MICU2: variants seen among roughly 807,000 people sequenced by gnomAD.
MICU2 encodes mitochondrial calcium uptake 2.
Under a neutral mutation model 60.4 loss-of-function variants are expected in MICU2, and 64 were observed. That is an observed-to-expected ratio of 1.06 (90% CI 0.87 to 1.31). The LOEUF (loss-of-function observed/expected upper bound fraction) is 1.31. Among genes scored for constraint, MICU2 ranks in the 50% most tolerant of loss-of-function variants. The pLI, the probability that MICU2 is intolerant of heterozygous loss-of-function variation, is 0.00. For missense variants in MICU2, 569 were observed against 531.0 expected (o/e 1.07, Z -0.70); for synonymous variants, 201 against 175.0 (o/e 1.15, Z -1.17).
At chr13:21,583,682 C>A (rs1444525262) in intron 1 of MICU2, among the ~76,000 whole-genome samples, 1 of 152,216 alleles carries the variant, frequency 6.6e-6, no homozygotes, top group African/African-American at 2.4e-5. Context: ...AGTACTACTA[C>A]CATCACCGAA....
At chr13:21,527,072 T>C (rs948103615) in intron 4 of MICU2, among the ~76,000 whole-genome samples, 3 of 152,218 alleles carry the variant, frequency 2.0e-5, no homozygotes, top group African/African-American at 7.2e-5. Flanking sequence ...CAACTTTTTG[T>C]TGTTTCTATT....
intron 4 of MICU2, among the ~76,000 whole-genome samples, chr13:21,527,170 A>T (rs1340038199): frequency 1.3e-5 from 2 of 152,200 alleles, no homozygotes; most frequent in Non-Finnish European, 1.5e-5. Flanking sequence ...CCTTCTATAA[A>T]GGGAGAATAA....
chr13:21,497,666 C>T (rs1295778550), intron 9 of MICU2, among the ~76,000 whole-genome samples: 18 of 152,164 alleles, frequency 1.2e-4, no homozygotes, highest in Admixed American at 1.2e-3. Context: ...GCTAACTGCA[C>T]CACTGCACTT....
chr13:21,585,085 C>T (rs540125326), intron 1 of MICU2, among the ~76,000 whole-genome samples: 2 of 152,188 alleles, frequency 1.3e-5, no homozygotes, highest in Non-Finnish European at 2.9e-5. Flanking sequence ...TCCTATTACA[C>T]AATGAAGGAA....
intron 4 of MICU2, among the ~76,000 whole-genome samples, chr13:21,527,606 G>A (rs1030905106): frequency 6.6e-6 from 1 of 152,140 alleles, no homozygotes; most frequent in African/African-American, 2.4e-5. Flanking sequence ...ACTGACACAC[G>A]AGAATATTGA....
chr13:21,594,551 T>C (rs562338359), intron 1 of MICU2, among the ~76,000 whole-genome samples: 1 of 152,284 alleles, frequency 6.6e-6, no homozygotes, highest in African/African-American at 2.4e-5. Flanking sequence ...GGAATATAAA[T>C]CATTCTACTA....
At chr13:21,525,440 C>T (rs1886827872) in intron 4 of MICU2, among the ~76,000 whole-genome samples, 1 of 151,892 alleles carries the variant, frequency 6.6e-6, no homozygotes, top group African/African-American at 2.4e-5. Flanking sequence ...ATCTGCCTGC[C>T]TCGGCCTCCC....
At chr13:21,557,533 G>A (rs534531593) in intron 2 of MICU2, among the ~76,000 whole-genome samples, 1 of 152,142 alleles carries the variant, frequency 6.6e-6, no homozygotes, top group East Asian at 1.9e-4. Context: ...TATTAATAAA[G>A]TGTATTATTT....
chr13:21,516,687 C>T (rs79205075), intron 6 of MICU2, among the ~76,000 whole-genome samples: 6,475 of 152,256 alleles, frequency 0.043, 463 homozygotes, highest in African/African-American at 0.15. Flanking sequence ...GACCAGTCTT[C>T]TTAATTTTGG....
intron 2 of MICU2, among the ~76,000 whole-genome samples, chr13:21,555,842 C>A (rs910722150): frequency 1.3e-5 from 2 of 152,166 alleles, no homozygotes; most frequent in African/African-American, 4.8e-5. Flanking sequence ...CATTAGATGT[C>A]ATGTGGTGTG....
intron 2 of MICU2, among the ~76,000 whole-genome samples, chr13:21,562,867 A>C (rs1357978888): frequency 1.3e-5 from 2 of 152,040 alleles, no homozygotes; most frequent in Admixed American, 6.5e-5. Context: ...CAAGTTCCTG[A>C]TATATCGTTT....
rs531840613 is a variant in MICU2, at chr13:21,562,643, C to A, written c.358+4154G>T. ...ACACTATACCACTTCGTGGGTGGTA[C>A]AAGTATCTTATAACAAAAGTATTCC... On this transcript the variant is annotated intron_variant, in intron 2 of 11. Transcript: ENST00000382374. Among the ~76,000 whole-genome samples the A allele has an allele frequency of 6.2e-4, 95 of 152,250 alleles. 1 individual carries two copies. The highest frequency in any genetic ancestry group is 1.0e-4 in the Non-Finnish European group (7 of 68,014).
At chr13:21,545,547 G>T (rs1483292476) in intron 2 of MICU2, among the ~76,000 whole-genome samples, 1 of 152,108 alleles carries the variant, frequency 6.6e-6, no homozygotes. Context: ...TGGGTGTGGT[G>T]GCGGGCGCCT....
intron 1 of MICU2, among the ~76,000 whole-genome samples, chr13:21,578,535 G>A (rs1056538141): frequency 1.3e-5 from 2 of 152,050 alleles, no homozygotes; most frequent in Non-Finnish European, 2.9e-5. Context: ...ACTGCAGTAA[G>A]CCAGTGAGCC....
chr13:21,539,567 G>A (rs1593333921), intron 3 of MICU2, 90 bp downstream of exon 3: 2 of 1,541,158 alleles, frequency 1.3e-6, no homozygotes, highest in Non-Finnish European at 1.8e-6. Context: ...CAAAGTGCTG[G>A]GATTACAGGT....
At chr13:21,577,804 C>CAAAAA (rs56200015) in intron 1 of MICU2, among the ~76,000 whole-genome samples, 1 of 47,898 alleles carries the variant, frequency 2.1e-5, no homozygotes, top group African/African-American at 7.4e-5. Flanking sequence ...GACTCGGTCT[C>CAAAAA]AAAAAAAAAA....
At chr13:21,569,298 A>G (rs1416286853) in intron 1 of MICU2, among the ~76,000 whole-genome samples, 1 of 152,020 alleles carries the variant, frequency 6.6e-6, no homozygotes, top group Non-Finnish European at 1.5e-5. Context: ...CTGCTACTCT[A>G]TAGTCTAAAT....
chr13:21,587,552 A>G (rs1467768042), intron 1 of MICU2, among the ~76,000 whole-genome samples: 1 of 152,244 alleles, frequency 6.6e-6, no homozygotes, highest in African/African-American at 2.4e-5. Flanking sequence ...GGAGATAGCC[A>G]CTACTCAATG....
intron 8 of MICU2, among the ~76,000 whole-genome samples, chr13:21,508,339 A>G (rs983990004): frequency 6.6e-6 from 1 of 151,672 alleles, no homozygotes; most frequent in East Asian, 2.0e-4. Context: ...GTTAGCCAGG[A>G]TGGTCTCGGT....
Sources: gnomAD v4.1 joint callset for allele counts (sites outside exome capture counted in the v4.1 genomes callset) on GRCh38, gnomAD v4.1.1 for gene constraint, MANE v1.5 for transcripts, NCBI Gene and HGNC (gene_info 2026-07-23, HGNC 2026-07-21) for gene names.